PDE7B: variants seen among roughly 807,000 people sequenced by gnomAD.
PDE7B encodes the protein phosphodiesterase 7B.
A neutral mutation model predicts 56.2 loss-of-function variants in PDE7B; 29 were observed. The observed-to-expected ratio is 0.52, with a 90% CI of 0.38 to 0.70. The LOEUF (loss-of-function observed/expected upper bound fraction) is 0.70. Ranked by LOEUF, PDE7B falls within the 30% of genes least tolerant of loss-of-function variation. The pLI, the probability that PDE7B is intolerant of heterozygous loss-of-function variation, is 0.00. For synonymous variants in PDE7B, 197 were observed against 196.9 expected, an observed-to-expected ratio of 1.00 and a Z score of 0.00; for missense variants, 490 against 565.0, an observed-to-expected ratio of 0.87 and a Z score of 1.35.
At chr6:135,884,446 G>GCAGAATTTT (rs1775666096) in intron 1 of PDE7B, among the ~76,000 whole-genome samples, 1 of 152,024 alleles carries the variant, frequency 6.6e-6, no homozygotes. Flanking sequence ...AGTCTTTCCG[G>GCAGAATTTT]CAGAATTTTC....
chr6:135,865,629 G>GTGTGTGTA lies in PDE7B; in HGVS notation c.21+13617_21+13618insATGTGTGT, dbSNP rs1375970457. ...AGCACTAGGCATTGTGTGTGTGTGT[G>GTGTGTGTA]TGTGTGTGTGTGTGTGTGTGTATGT... On this transcript the variant is annotated intron_variant, in intron 1 of 12. Transcript: ENST00000308191. 7.7e-3 allele frequency among the ~76,000 whole-genome samples: 1,155 copies of GTGTGTGTA among 150,784 alleles called. 16 individuals are homozygous for GTGTGTGTA. The highest frequency in any genetic ancestry group is 0.027 in the African/African-American group (1,096 of 40,592).
Position 136,125,297 on chromosome 6 carries a change from G to A in PDE7B, c.166+16483G>A, listed in dbSNP as rs954281400. On this transcript the variant is annotated intron_variant, in intron 3 of 12. Coordinates refer to ENST00000308191, the MANE Select transcript of PDE7B (RefSeq NM_018945.4). ...ATAAGTTATATGTAAGTAAGGGCCC[G>A]GGCATGGTCACTCACACTCGTGAAT... 3.3e-5 allele frequency among the ~76,000 whole-genome samples: 5 copies of A among 152,024 alleles called. No homozygotes were observed. The East Asian group carries it at 7.7e-4, about 23-fold the overall frequency.
At chr6:135,884,586 C>T (rs1775668617) in intron 1 of PDE7B, among the ~76,000 whole-genome samples, 1 of 152,146 alleles carries the variant, frequency 6.6e-6, no homozygotes, top group Non-Finnish European at 1.5e-5. Flanking sequence ...TCCCATAACA[C>T]TTGCTGGTCT....
At chr6:135,864,118 C>T (rs758151019) in intron 1 of PDE7B, among the ~76,000 whole-genome samples, 1 of 151,934 alleles carries the variant, frequency 6.6e-6, no homozygotes, top group Non-Finnish European at 1.5e-5. Context: ...CATTGTTTTA[C>T]TGGTGACTAT....
intron 2 of PDE7B, among the ~76,000 whole-genome samples, chr6:135,952,873 G>T (rs146944389): frequency 3.3e-4 from 50 of 152,128 alleles, no homozygotes; most frequent in Non-Finnish European, 6.0e-4. Flanking sequence ...AGAGAGTTCT[G>T]GTCTCTTTTA....
At chr6:136,012,626 C>T (rs1280011725) in intron 2 of PDE7B, 1 of 152,174 alleles carries the variant, frequency 6.6e-6, no homozygotes, top group African/African-American at 2.4e-5. Context: ...ATGTCAGACA[C>T]TTACCAAACA....
At chr6:136,110,610 C>T (rs1023869604) in intron 3 of PDE7B, among the ~76,000 whole-genome samples, 1 of 151,942 alleles carries the variant, frequency 6.6e-6, no homozygotes, top group Non-Finnish European at 1.5e-5. Flanking sequence ...TATTTTAAAA[C>T]CTTAATCCCA....
At chr6:136,180,983 G>C (rs900543140) in intron 10 of PDE7B, among the ~76,000 whole-genome samples, 21 of 152,200 alleles carry the variant, frequency 1.4e-4, no homozygotes, top group African/African-American at 5.1e-4. Context: ...CTTCCAGCAA[G>C]CTCCATGTCC....
intron 2 of PDE7B, among the ~76,000 whole-genome samples, chr6:135,955,498 G>A (rs1447314600): frequency 6.6e-6 from 1 of 152,124 alleles, no homozygotes; most frequent in Non-Finnish European, 1.5e-5. Context: ...GGAAAATAGA[G>A]TAAGAGGAAT....
intron 3 of PDE7B, among the ~76,000 whole-genome samples, chr6:136,142,903 C>T (rs922824807): frequency 2.0e-4 from 31 of 152,096 alleles, no homozygotes; most frequent in African/African-American, 6.5e-4. Context: ...ACTCTTTATC[C>T]AATTTGCCAG....
At chr6:135,913,559 C>T (rs1044955278) in intron 1 of PDE7B, among the ~76,000 whole-genome samples, 1 of 152,152 alleles carries the variant, frequency 6.6e-6, no homozygotes, top group Non-Finnish European at 1.5e-5. Context: ...TAACATCCTA[C>T]CAATGCCTGT....
rs60207269 is a variant in PDE7B, at chr6:135,906,813, T to TTTTTTTTTTTTTTTTTTTG, written c.22-40633_22-40632insGTTTTTTTTTTTTTTTTTT. Among the ~76,000 whole-genome samples the TTTTTTTTTTTTTTTTTTTG allele has an allele frequency of 7.6e-4, 83 of 109,326 alleles. 2 individuals are homozygous for TTTTTTTTTTTTTTTTTTTG. Among genetic ancestry groups the TTTTTTTTTTTTTTTTTTTG allele is most frequent in the African/African-American group, 3.7e-3 (71 of 19,342 alleles). 71.7% of individuals were successfully genotyped at this position (109,326 alleles called of 152,430 possible). ...GACTCAAATGTTAATGAGGTTTGTT[T>TTTTTTTTTTTTTTTTTTTG]TTTTTTTTTTTTTTTTTTTTTTTAA... is the stretch of plus-strand genomic sequence containing the variant. On this transcript the variant is annotated intron_variant, in intron 1 of 12. Coordinates refer to ENST00000308191, the MANE Select transcript of PDE7B (RefSeq NM_018945.4).
rs1471563191 is a variant in PDE7B, at chr6:136,191,037, T to TTTTTTTA, written c.1127-577_1127-576insTTTTTTA. ...ACTTTTTTTTTTTTTTTTTTTTTTTTACTTATATGTCTTTCTCCCTCTGCA... is the reference window on the plus strand; with the variant it reads ...ACTTTTTTTTTTTTTTTTTTTTTTTTTTTTTTAACTTATATGTCTTTCTCCCTCTGCA... On this transcript the variant is annotated intron_variant, in intron 12 of 12. Transcript: ENST00000308191. Among the ~76,000 whole-genome samples, 171 of 143,178 alleles carry TTTTTTTA rather than the reference T, an allele frequency of 1.2e-3. 1 individual carries two copies. The highest frequency in any genetic ancestry group is 4.1e-3 in the African/African-American group (143 of 34,840). 93.9% of individuals were successfully genotyped at this position (143,178 alleles called of 152,430 possible). A position where few individuals can be genotyped will look rare whatever the true frequency, so the allele number is the denominator to read the frequency against.
intron 2 of PDE7B, among the ~76,000 whole-genome samples, chr6:136,063,280 C>A (rs965154218): frequency 6.6e-6 from 1 of 152,132 alleles, no homozygotes; most frequent in African/African-American, 2.4e-5. Flanking sequence ...TTAACCAGAC[C>A]CATGGAGACT....
chr6:135,988,346 T>C (rs1775417921), intron 2 of PDE7B, among the ~76,000 whole-genome samples: 1 of 152,094 alleles, frequency 6.6e-6, no homozygotes, highest in Non-Finnish European at 1.5e-5. Flanking sequence ...AGAAAGCTCC[T>C]CAAAACTGTA....
chr6:136,152,420 T>A (rs1778535480), intron 6 of PDE7B, among the ~76,000 whole-genome samples: 1 of 152,174 alleles, frequency 6.6e-6, no homozygotes, highest in Non-Finnish European at 1.5e-5. Context: ...TTTAAACAAA[T>A]CTGCAAGTAG....
chr6:135,971,014 G>C (rs1775085138), intron 2 of PDE7B, among the ~76,000 whole-genome samples: 1 of 152,062 alleles, frequency 6.6e-6, no homozygotes, highest in South Asian at 2.1e-4. Context: ...AGCAGGTGGG[G>C]GTATGGATTG....
At chr6:135,855,009 T>G (rs150999019) in intron 1 of PDE7B, among the ~76,000 whole-genome samples, 7 of 152,288 alleles carry the variant, frequency 4.6e-5, no homozygotes, top group African/African-American at 1.7e-4. Context: ...AGTGATTTCA[T>G]GAAGTGCACT....
chr6:136,044,771 C>A (rs1461460673), intron 2 of PDE7B: 1 of 152,146 alleles, frequency 6.6e-6, no homozygotes, highest in Non-Finnish European at 1.5e-5. Flanking sequence ...CTACAGATAA[C>A]AGTCTGTAGA....
Sources: allele counts gnomAD v4.1 joint callset (sites outside exome capture counted in the v4.1 genomes callset), GRCh38; gene constraint gnomAD v4.1.1; transcripts MANE v1.5; gene names NCBI Gene and HGNC (gene_info 2026-07-23, HGNC 2026-07-21).